Variants in LRP5 observed in about 807,000 individuals in gnomAD.
The protein encoded by LRP5 is low-density lipoprotein receptor-related protein 5.
In LRP5, 62 loss-of-function variants were observed where a neutral mutation model predicts 154.1. The observed-to-expected ratio is 0.40, with a 90% CI of 0.33 to 0.50. LRP5 has a LOEUF of 0.50. LRP5 is among the 20% of genes least tolerant of loss of function. The pLI is 0.55. For synonymous variants in LRP5, 966 were observed against 1,011.5 expected (o/e 0.96, Z 0.85); for missense variants, 1,915 against 2,336.7 (o/e 0.82, Z 3.72).
At chr11:68,308,223 G>A (rs894527097), upstream of LRP5, among the ~76,000 whole-genome samples, 10 of 152,220 alleles carry the variant, frequency 6.6e-5, no homozygotes, top group African/African-American at 2.4e-4. Flanking sequence ...CCCCAGGGGC[G>A]CCTCTGACCA....
At chr11:68,380,794 C>G (rs541218172) in intron 5 of LRP5, among the ~76,000 whole-genome samples, 27 of 152,262 alleles carry the variant, frequency 1.8e-4, no homozygotes, top group Non-Finnish European at 3.7e-4. Context: ...GCCACCCTCT[C>G]TCTGGCCTCT....
At chr11:68,363,221 G>C (rs1049682999) in intron 3 of LRP5, among the ~76,000 whole-genome samples, 1 of 152,224 alleles carries the variant, frequency 6.6e-6, no homozygotes, top group African/African-American at 2.4e-5. Context: ...TCTTCCCTGG[G>C]GGAGACTTTG....
intron 13 of LRP5, among the ~76,000 whole-genome samples, chr11:68,419,366 G>A (rs1337496342): frequency 6.6e-6 from 1 of 150,990 alleles, no homozygotes; most frequent in Non-Finnish European, 1.5e-5. Flanking sequence ...TCTAGTAGCC[G>A]GGACTACAGG....
At chr11:68,391,864 CAG>C (rs1456996135) in intron 7 of LRP5, among the ~76,000 whole-genome samples, 9 of 152,312 alleles carry the variant, frequency 5.9e-5, no homozygotes, top group African/African-American at 2.2e-4. Context: ...TTTCTTGAGA[CAG>C]GGTCTCGCTC....
chr11:68,433,905 C>T (rs2098673419), intron 18 of LRP5, 67 bp downstream of exon 18: 1 of 1,474,210 alleles, frequency 6.8e-7, no homozygotes, highest in African/African-American at 1.4e-5. Flanking sequence ...GAGCTTGGGG[C>T]TGCCTCCGGC....
rs778039846 is a variant in LRP5, at chr11:68,423,711, G to A, written c.3236+14G>A. ...CGCGGAGCGAGGGTAGGAGGCCAAC[G>A]GGTGGGTGGGGGTGCTGCCCGTCCA... On this transcript the variant is annotated intron_variant, in intron 14 of 22. Coordinates refer to ENST00000294304, the MANE Select transcript of LRP5 (RefSeq NM_002335.4). The surrounding 1 kb of genome is among the most constrained non-coding windows in gnomAD (Gnocchi z 4.7). 5.7e-6 allele frequency: 9 copies of A among 1,584,610 alleles called. No individual in the cohort carries two copies. The highest frequency in any genetic ancestry group is 3.2e-5 in the African/African-American group (2 of 62,060).
Position 68,341,059 on chromosome 11 carries a change from C to CCTTTTTTTTTTTTT in LRP5, c.92-6788_92-6787insCTTTTTTTTTTTTT, listed in dbSNP as rs1555071026. Among the ~76,000 whole-genome samples, 487 of 83,428 alleles carry CCTTTTTTTTTTTTT rather than the reference C, an allele frequency of 5.8e-3. 14 individuals carry two copies. The highest frequency in any genetic ancestry group is 0.02 in the African/African-American group (428 of 20,976). The allele number at this position is 83,428 out of a possible 152,430, so 54.7% of individuals were successfully genotyped here. ...GTTACCCCTGCCGCTGGAGATTGTT[C>CCTTTTTTTTTTTTT]TTTTTTTTTTTTTTTTTTTGCTATT... On this transcript the variant is annotated intron_variant, in intron 1 of 22. Transcript: ENST00000294304.
intron 16 of LRP5, among the ~76,000 whole-genome samples, chr11:68,428,286 C>G (rs1300079628): frequency 6.6e-6 from 1 of 152,086 alleles, no homozygotes; most frequent in Non-Finnish European, 1.5e-5. Context: ...TGAGCCACCA[C>G]GCCTGGCACC....
chr11:68,404,833 G>C (rs1343294439), intron 8 of LRP5, among the ~76,000 whole-genome samples: 1 of 151,900 alleles, frequency 6.6e-6, no homozygotes, highest in African/African-American at 2.4e-5. Context: ...AGCCGGGTGC[G>C]GTGGCAGGCG....
At chr11:68,368,230 T>A (rs1316159658) in intron 5 of LRP5, among the ~76,000 whole-genome samples, 1 of 152,086 alleles carries the variant, frequency 6.6e-6, no homozygotes, top group Non-Finnish European at 1.5e-5. Flanking sequence ...GGGGGCCATG[T>A]CAGGAAGCAA....
At chr11:68,396,251 T>C (rs1221569266) in intron 7 of LRP5, among the ~76,000 whole-genome samples, 1 of 152,046 alleles carries the variant, frequency 6.6e-6, no homozygotes, top group Non-Finnish European at 1.5e-5. Flanking sequence ...ATGGGAACAT[T>C]TTTAAGATGC....
chr11:68,404,841 G>A (rs1485469578), intron 8 of LRP5, among the ~76,000 whole-genome samples: 3 of 151,716 alleles, frequency 2.0e-5, no homozygotes, highest in Non-Finnish European at 2.9e-5. Context: ...GCGGTGGCAG[G>A]CGCCTGTAGT....
chr11:68,409,095 T>TATATATATATAC (rs1311618305), intron 9 of LRP5, among the ~76,000 whole-genome samples: 8 of 27,728 alleles, frequency 2.9e-4, no homozygotes, highest in South Asian at 1.8e-3. Context: ...TATATATATA[T>TATATATATATAC]ACACACACAT....
chr11:68,357,387 A>G (rs1368021271), intron 2 of LRP5, among the ~76,000 whole-genome samples: 1 of 152,264 alleles, frequency 6.6e-6, no homozygotes, highest in African/African-American at 2.4e-5. Flanking sequence ...ACACTAGGCA[A>G]TCATCAAAAG....
At chr11:68,342,510 G>C (rs927776788) in intron 1 of LRP5, among the ~76,000 whole-genome samples, 1 of 152,232 alleles carries the variant, frequency 6.6e-6, no homozygotes, top group Admixed American at 6.5e-5. Flanking sequence ...CCCATTTGCT[G>C]TGGACCCTGG....
At chr11:68,343,833 A>G (rs530057603) in intron 1 of LRP5, among the ~76,000 whole-genome samples, 1 of 152,244 alleles carries the variant, frequency 6.6e-6, no homozygotes, top group South Asian at 2.1e-4. Context: ...CGCGGCTGCC[A>G]TCTCATCCTT....
intron 6 of LRP5, among the ~76,000 whole-genome samples, chr11:68,388,316 C>T (rs562641236): frequency 1.3e-5 from 2 of 152,178 alleles, no homozygotes; most frequent in African/African-American, 4.8e-5. Context: ...ACATGGGCCT[C>T]GGTGTCCTCA....
In LRP5 at chr11:68,415,838, C is replaced by T. The variant is rs2098662251; in HGVS notation, c.2828-490C>T. 2.8e-5 allele frequency among the ~76,000 whole-genome samples: 2 copies of T among 71,770 alleles called. 1 individual carries two copies. The highest frequency in any genetic ancestry group is 6.7e-5 in the African/African-American group (2 of 29,720). 47.1% of individuals were successfully genotyped at this position (71,770 alleles called of 152,430 possible). On this transcript the variant is annotated intron_variant, in intron 12 of 22. Coordinates refer to ENST00000294304, the MANE Select transcript of LRP5 (RefSeq NM_002335.4). The stretch of plus-strand genomic sequence containing the variant: ...TTGGGAGGCCAAGGCGGGCGGATGA[C>T]AAGGTCAGGAGATCGAGACCATCCT...
chr11:68,329,794 T>G (rs1162208906), intron 1 of LRP5, among the ~76,000 whole-genome samples: 1 of 152,196 alleles, frequency 6.6e-6, no homozygotes, highest in Admixed American at 6.5e-5. Flanking sequence ...TGAGTCAGTC[T>G]CCACCCTGGA....
Sources: gnomAD v4.1 joint callset for allele counts (sites outside exome capture counted in the v4.1 genomes callset) on GRCh38, gnomAD v4.1.1 for gene constraint, Gnocchi (gnomAD v3.1) non-coding constraint, MANE v1.5 for transcripts, NCBI Gene and HGNC (gene_info 2026-07-23, HGNC 2026-07-21) for gene names.